The following NUDT3 variants were observed in gnomAD, a reference collection of about 807,000 sequenced individuals.
The protein encoded by NUDT3 is nudix hydrolase 3.
A neutral mutation model predicts 23.6 loss-of-function variants in NUDT3; 9 were observed. The observed-to-expected ratio is 0.38, with a 90% CI of 0.23 to 0.66. The LOEUF is 0.66. Ranked by LOEUF, NUDT3 falls within the 30% of genes least tolerant of loss-of-function variation. The probability of loss-of-function intolerance (pLI) is 0.52; values close to 1 mark genes in which losing one functional copy is unlikely to be tolerated. For synonymous variants in NUDT3, 86 were observed against 82.6 expected, an observed-to-expected ratio of 1.04 and a Z score of -0.22; for missense variants, 172 against 218.5, an observed-to-expected ratio of 0.79 and a Z score of 1.34.
intron 1 of NUDT3, among the ~76,000 whole-genome samples, chr6:34,380,580 T>C (rs1358824364): frequency 6.6e-6 from 1 of 152,236 alleles, no homozygotes; most frequent in East Asian, 1.9e-4. Context: ...GATGAAATCA[T>C]GAAGGATTTT....
intron 1 of NUDT3, among the ~76,000 whole-genome samples, chr6:34,388,376 C>T (rs1304210341): frequency 6.6e-6 from 1 of 152,138 alleles, no homozygotes; most frequent in Non-Finnish European, 1.5e-5. Flanking sequence ...ACTTATATTA[C>T]TACTGTATTA....
intron 1 of NUDT3, among the ~76,000 whole-genome samples, chr6:34,391,901 G>C (rs1036176611): frequency 2.0e-5 from 3 of 152,110 alleles, no homozygotes; most frequent in Non-Finnish European, 2.9e-5. Context: ...GACAACTGCG[G>C]AGCGGCCCTT....
chr6:34,372,663 G>A (rs1764850634), intron 1 of NUDT3, among the ~76,000 whole-genome samples: 1 of 152,000 alleles, frequency 6.6e-6, no homozygotes, highest in African/African-American at 2.4e-5. Flanking sequence ...AATTAGCCAG[G>A]TGTGGTGGTA....
chr6:34,387,280 G>A (rs1331064144), intron 1 of NUDT3, among the ~76,000 whole-genome samples: 1 of 151,912 alleles, frequency 6.6e-6, no homozygotes, highest in Non-Finnish European at 1.5e-5. Context: ...TCAGAAGAAG[G>A]GATTGTTATC....
At chr6:34,323,622 A>C (rs1472195684) in intron 2 of NUDT3, among the ~76,000 whole-genome samples, 1 of 152,174 alleles carries the variant, frequency 6.6e-6, no homozygotes, top group Non-Finnish European at 1.5e-5. Context: ...CGAAGCGAAG[A>C]GAAGAGAAAA....
At chr6:34,304,251 C>CAAAAAAAA in intron 2 of NUDT3, among the ~76,000 whole-genome samples, 1 of 81,180 alleles carries the variant, frequency 1.2e-5, no homozygotes, top group Non-Finnish European at 2.6e-5. Flanking sequence ...AACTCTGTCT[C>CAAAAAAAA]AAAAAAAAAA....
At chr6:34,323,470 C>T (rs560049802) in intron 2 of NUDT3, among the ~76,000 whole-genome samples, 3 of 151,864 alleles carry the variant, frequency 2.0e-5, no homozygotes, top group South Asian at 2.1e-4. Flanking sequence ...AGGAGGTTAA[C>T]GTGGGAGGAC....
intron 1 of NUDT3, among the ~76,000 whole-genome samples, chr6:34,355,411 T>C (rs952826692): frequency 1.3e-5 from 2 of 152,092 alleles, no homozygotes; most frequent in East Asian, 1.9e-4. Flanking sequence ...TTTTGGTATA[T>C]TGCTGGATGC....
At chr6:34,366,905 T>C (rs1044000702) in intron 1 of NUDT3, among the ~76,000 whole-genome samples, 3 of 151,660 alleles carry the variant, frequency 2.0e-5, no homozygotes, top group Non-Finnish European at 4.4e-5. Flanking sequence ...TAAAAAAAAA[T>C]TTTTTTTGAG....
chr6:34,351,224 A>AAAAAAAAAAAAAAAAC (rs1374203552), intron 1 of NUDT3, among the ~76,000 whole-genome samples: 8 of 136,252 alleles, frequency 5.9e-5, no homozygotes, highest in African/African-American at 2.4e-4. Context: ...AAAAAAAAAA[A>AAAAAAAAAAAAAAAAC]AACACTTTGG....
chr6:34,317,772 A>G (rs1172263107), intron 2 of NUDT3, among the ~76,000 whole-genome samples: 1 of 152,218 alleles, frequency 6.6e-6, no homozygotes. Context: ...AGTCACATAA[A>G]TATATACAAG....
At chr6:34,391,401 T>C (rs1765196615) in intron 1 of NUDT3, among the ~76,000 whole-genome samples, 1 of 152,222 alleles carries the variant, frequency 6.6e-6, no homozygotes, top group African/African-American at 2.4e-5. Context: ...TTACAAAACA[T>C]GTGCTTCTCT....
intron 2 of NUDT3, among the ~76,000 whole-genome samples, chr6:34,301,073 T>C (rs962237908): frequency 1.3e-5 from 2 of 152,256 alleles, no homozygotes; most frequent in Non-Finnish European, 2.9e-5. Context: ...CATGTAGTTC[T>C]AGGTAATTCA....
intron 2 of NUDT3, among the ~76,000 whole-genome samples, chr6:34,313,348 G>C (rs1226432192): frequency 6.6e-6 from 1 of 152,166 alleles, no homozygotes; most frequent in African/African-American, 2.4e-5. Context: ...AGGAGTTTAG[G>C]GGAGGGAGGG....
At chr6:34,354,877 A>G (rs1764539466) in intron 1 of NUDT3, among the ~76,000 whole-genome samples, 2 of 150,646 alleles carry the variant, frequency 1.3e-5, no homozygotes, top group South Asian at 4.2e-4. Context: ...TTTATATTCT[A>G]TGCCATACTA....
chr6:34,364,143 T>C (rs777924712), intron 1 of NUDT3, among the ~76,000 whole-genome samples: 12 of 152,214 alleles, frequency 7.9e-5, no homozygotes, highest in African/African-American at 2.4e-4. Context: ...CAAACTATTA[T>C]ATTACAAGGG....
At chr6:34,391,537 C>A (rs1231518697) in intron 1 of NUDT3, among the ~76,000 whole-genome samples, 2 of 152,144 alleles carry the variant, frequency 1.3e-5, no homozygotes, top group Non-Finnish European at 2.9e-5. Flanking sequence ...TCCTAAGAGT[C>A]TTCCCACAAG....
chr6:34,316,597 A>G (rs1763861581), intron 2 of NUDT3, among the ~76,000 whole-genome samples: 2 of 152,200 alleles, frequency 1.3e-5, no homozygotes, highest in Admixed American at 6.5e-5. Flanking sequence ...CTTCACCAAT[A>G]AAAGGCACTT....
At position 34,282,294 on chromosome 6, in the gene NUDT3, C is replaced by T. The variant is rs191090324; in HGVS notation, c.*6459G>A. 4.6e-5 allele frequency: 7 copies of T among 152,256 alleles called. No individual in the cohort carries two copies. Among genetic ancestry groups the T allele is most frequent in the Admixed American group, 1.3e-4 (2 of 15,284 alleles). The allele number at this position is 152,256 out of a possible 1,614,324, so 9.4% of individuals were successfully genotyped here. On this transcript the variant is annotated 3_prime_UTR_variant, in exon 5 of 5. Coordinates refer to ENST00000607016, the MANE Select transcript of NUDT3 (RefSeq NM_006703.4). ...TAGCTTACCATTTTCAATTCAGCAC[C>T]AAAGTGCTCAGAAAGACAGGCTCAG...
Sources: gnomAD v4.1 joint callset for allele counts (sites outside exome capture counted in the v4.1 genomes callset) on GRCh38, gnomAD v4.1.1 for gene constraint, MANE v1.5 for transcripts, NCBI Gene and HGNC (gene_info 2026-07-23, HGNC 2026-07-21) for gene names.